Variants in BTBD9 observed in about 807,000 individuals in gnomAD.
The protein encoded by BTBD9 is BTB domain containing 9.
BTBD9 carries 49 observed loss-of-function variants against 64.3 expected under a neutral mutation model. The ratio of observed to expected loss-of-function variants is 0.76; its 90% CI spans 0.61 to 0.97. The LOEUF (loss-of-function observed/expected upper bound fraction) is 0.97. Ranked by LOEUF, BTBD9 falls within the 50% of genes least tolerant of loss-of-function variation. BTBD9 has a pLI of 0.00. For missense variants in BTBD9, 598 were observed against 762.1 expected (o/e 0.78, Z 2.53); for synonymous variants, 260 against 274.7 (o/e 0.95, Z 0.53).
intron 1 of BTBD9, among the ~76,000 whole-genome samples, chr6:38,631,598 A>G (rs1408304642): frequency 6.6e-6 from 1 of 152,100 alleles, no homozygotes. Flanking sequence ...ACCCTATGAA[A>G]TTTCTGAGGT....
intron 6 of BTBD9, among the ~76,000 whole-genome samples, chr6:38,467,974 A>G (rs1175837203): frequency 6.6e-6 from 1 of 152,156 alleles, no homozygotes; most frequent in African/African-American, 2.4e-5. Context: ...TAAACTGCAC[A>G]TGTTTAAAGT....
intron 9 of BTBD9, among the ~76,000 whole-genome samples, chr6:38,253,098 A>C (rs943825211): frequency 4.0e-5 from 6 of 151,802 alleles, no homozygotes; most frequent in African/African-American, 1.4e-4. Context: ...TGAGCGACAG[A>C]GTGAGACTCT....
chr6:38,299,525 CCTGA>C (rs1363704714), intron 7 of BTBD9, among the ~76,000 whole-genome samples: 1 of 152,184 alleles, frequency 6.6e-6, no homozygotes, highest in Non-Finnish European at 1.5e-5. Flanking sequence ...CCTGTTGTTG[CCTGA>C]CTTTTTAATG....
At chr6:38,379,803 T>C (rs983084883) in intron 6 of BTBD9, among the ~76,000 whole-genome samples, 7 of 152,214 alleles carry the variant, frequency 4.6e-5, no homozygotes, top group Non-Finnish European at 7.3e-5. Flanking sequence ...AAATTACTTT[T>C]ACTACAAATT....
In BTBD9 at chr6:38,421,196, T is replaced by TA. The variant is rs1008970806; in HGVS notation, c.1155-76104dup. On this transcript the variant is annotated intron_variant, in intron 6 of 10. Coordinates refer to ENST00000481247, the MANE Select transcript of BTBD9 (RefSeq NM_001099272.2). ...GGCAAAACCCCATCTCCACTAAAAATAAAAAAAAAATTAGCCAGGCGTGGT... is the reference window on the plus strand; with the variant it reads ...GGCAAAACCCCATCTCCACTAAAAATAAAAAAAAAAATTAGCCAGGCGTGGT... Among the ~76,000 whole-genome samples the TA allele has an allele frequency of 2.2e-4, 32 of 148,482 alleles. 1 individual carries two copies. Among genetic ancestry groups the TA allele is most frequent in the East Asian group, 7.8e-4 (4 of 5,102 alleles).
intron 6 of BTBD9, among the ~76,000 whole-genome samples, chr6:38,370,970 T>C (rs927380270): frequency 2.6e-5 from 4 of 152,230 alleles, no homozygotes; most frequent in Non-Finnish European, 4.4e-5. Context: ...AAGAACTTGC[T>C]CTCACCTAAA....
rs10694538 is a variant in BTBD9, at chr6:38,417,800, G to GAAAA, written c.1155-72711_1155-72708dup. ...GGAGAGAGAGAGAGAGAGAGAGAGA[G>GAAAA]AAAAAAAATATTGACACATAACTGG... On this transcript the variant is annotated intron_variant, in intron 6 of 10. Coordinates refer to ENST00000481247, the MANE Select transcript of BTBD9 (RefSeq NM_001099272.2). Among the ~76,000 whole-genome samples the GAAAA allele has an allele frequency of 1.9e-3, 277 of 143,018 alleles. 3 individuals carry two copies. The highest frequency in any genetic ancestry group is 3.5e-3 in the Middle Eastern group (1 of 282). 93.8% of individuals were successfully genotyped at this position (143,018 alleles called of 152,430 possible). A position where few individuals can be genotyped will look rare whatever the true frequency, so the allele number is the denominator to read the frequency against.
intron 6 of BTBD9, among the ~76,000 whole-genome samples, chr6:38,517,310 A>T (rs534372077): frequency 5.0e-4 from 76 of 152,382 alleles, no homozygotes; most frequent in Non-Finnish European, 7.2e-4. Flanking sequence ...TATGTTTCTG[A>T]GTAATCAAAT....
intron 9 of BTBD9, among the ~76,000 whole-genome samples, chr6:38,202,678 C>T (rs1199645261): frequency 6.6e-6 from 1 of 152,144 alleles, no homozygotes; most frequent in East Asian, 1.9e-4. Context: ...ATACCCTCTT[C>T]AATAAATGGT....
chr6:38,541,099 G>T (rs999876102), intron 6 of BTBD9, among the ~76,000 whole-genome samples: 1 of 152,072 alleles, frequency 6.6e-6, no homozygotes, highest in Non-Finnish European at 1.5e-5. Context: ...TAAAGACAAT[G>T]TTTCTGGTCA....
At chr6:38,412,840 C>A (rs536944762) in intron 6 of BTBD9, among the ~76,000 whole-genome samples, 1 of 140,670 alleles carries the variant, frequency 7.1e-6, no homozygotes, top group African/African-American at 2.7e-5. Flanking sequence ...GCCTGGGTGA[C>A]AAAGCGAGAC....
rs538004071 is a variant in BTBD9 at position 38,313,286 on chromosome 6, T to C, written c.1265-24825A>G. On this transcript the variant is annotated intron_variant, in intron 7 of 10. Coordinates refer to ENST00000481247, the MANE Select transcript of BTBD9 (RefSeq NM_001099272.2). ...CAGTTCTAATAATTTTTTGGTGGAG[T>C]CTTTAGGTTTTTTCAAATATAGGAT... Among the ~76,000 whole-genome samples the C allele has an allele frequency of 3.9e-5, 6 of 152,254 alleles. No individual in the cohort carries two copies. The South Asian group carries it at 1.0e-3, about 26-fold the overall frequency.
intron 9 of BTBD9, among the ~76,000 whole-genome samples, chr6:38,213,099 TG>T (rs1432097654): frequency 2.6e-5 from 4 of 152,002 alleles, no homozygotes; most frequent in African/African-American, 9.7e-5. Flanking sequence ...CCCTGACCTA[TG>T]ATCTCACACA....
chr6:38,393,760 A>C (rs1369833064), intron 6 of BTBD9, among the ~76,000 whole-genome samples: 2 of 152,242 alleles, frequency 1.3e-5, no homozygotes, highest in East Asian at 3.8e-4. Context: ...AATATTTGAC[A>C]ATAAAAATAA....
At chr6:38,613,797 C>T (rs1010019665) in intron 1 of BTBD9, among the ~76,000 whole-genome samples, 1 of 152,108 alleles carries the variant, frequency 6.6e-6, no homozygotes, top group Non-Finnish European at 1.5e-5. Flanking sequence ...AATCTGGACT[C>T]TGGGAGATGT....
intron 10 of BTBD9, among the ~76,000 whole-genome samples, chr6:38,182,981 CTTTT>C (rs34180118): frequency 7.0e-6 from 1 of 142,914 alleles, no homozygotes; most frequent in South Asian, 2.2e-4. Flanking sequence ...AAAAGGTCTT[CTTTT>C]TTTTTTTTTT....
At chr6:38,295,636 AAT>A (rs1297189778) in intron 7 of BTBD9, among the ~76,000 whole-genome samples, 3 of 152,170 alleles carry the variant, frequency 2.0e-5, no homozygotes, top group Admixed American at 2.0e-4. Flanking sequence ...TTTATTTATA[AAT>A]ATGACTAATT....
At chr6:38,210,491 T>C (rs926371878) in intron 9 of BTBD9, among the ~76,000 whole-genome samples, 3 of 152,112 alleles carry the variant, frequency 2.0e-5, no homozygotes, top group African/African-American at 7.2e-5. Context: ...TTCCTGTCTC[T>C]GTATTCATGT....
intron 1 of BTBD9, among the ~76,000 whole-genome samples, chr6:38,614,220 G>A (rs1418704998): frequency 1.3e-5 from 2 of 152,068 alleles, no homozygotes; most frequent in African/African-American, 2.4e-5. Context: ...CTTCACTGAC[G>A]CTGCCAATCT....
Sources: allele counts gnomAD v4.1 joint callset (sites outside exome capture counted in the v4.1 genomes callset), GRCh38; gene constraint gnomAD v4.1.1; transcripts MANE v1.5; gene names NCBI Gene and HGNC (gene_info 2026-07-23, HGNC 2026-07-21).